The following TRPM6 variants were observed in gnomAD, a reference collection of about 807,000 sequenced individuals.
TRPM6 encodes the protein channel kinase 2.
TRPM6 carries 111 observed loss-of-function variants against 247.6 expected under a neutral mutation model. The observed-to-expected ratio is 0.45, with a 90% CI of 0.38 to 0.52. The LOEUF (loss-of-function observed/expected upper bound fraction) is 0.52. Among genes scored for constraint, TRPM6 ranks in the 20% least tolerant of loss-of-function variants. The pLI, the probability that TRPM6 is intolerant of heterozygous loss-of-function variation, is 0.00. For missense variants in TRPM6, 2,126 were observed against 2,421.5 expected (o/e 0.88, Z 2.56); for synonymous variants, 892 against 853.8 (o/e 1.04, Z -0.78).
At chr9:74,744,195 T>C in intron 31 of TRPM6, 50 bp from the exon 32 acceptor site, 2 of 1,553,522 alleles carry the variant, frequency 1.3e-6, no homozygotes, top group South Asian at 1.1e-5. Flanking sequence ...TGGAGATAAA[T>C]ACATGTTTAT....
Position 74,788,090 on chromosome 9 carries a change from ATT to A in TRPM6, c.2667+522_2667+523del, listed in dbSNP as rs1408791356. Among the ~76,000 whole-genome samples the A allele has an allele frequency of 5.3e-5, 8 of 152,060 alleles. No homozygotes were observed. In the East Asian group the frequency reaches 1.5e-3, roughly 29 times the overall value. ...GTTTTGGTTTTTTGTTTCTTGGACT[ATT>A]TGCCTCAGAGAGATTTCCAGCTTCA... On this transcript the variant is annotated intron_variant, in intron 20 of 38. Transcript: ENST00000360774.
At chr9:74,825,578 C>T (rs534286187) in intron 7 of TRPM6, among the ~76,000 whole-genome samples, 3 of 152,000 alleles carry the variant, frequency 2.0e-5, no homozygotes, top group South Asian at 2.1e-4. Context: ...GAATTGACTC[C>T]ATAGTCAGCA....
chr9:74,847,231 T>TA (rs1460246997), intron 3 of TRPM6, among the ~76,000 whole-genome samples: 16 of 152,174 alleles, frequency 1.1e-4, no homozygotes, highest in African/African-American at 3.6e-4. Flanking sequence ...GATAAGGTCT[T>TA]ACTCTGTCAC....
intron 19 of TRPM6, among the ~76,000 whole-genome samples, chr9:74,789,294 T>TTCAGCAC (rs144470770): frequency 6.6e-6 from 1 of 152,160 alleles, no homozygotes; most frequent in Non-Finnish European, 1.5e-5. Flanking sequence ...TATTTATATC[T>TTCAGCAC]TCAGCACTCA....
chr9:74,859,705 C>T (rs1211492383), intron 1 of TRPM6, among the ~76,000 whole-genome samples: 1 of 149,696 alleles, frequency 6.7e-6, no homozygotes, highest in South Asian at 2.1e-4. Context: ...ACCTGGCAGG[C>T]AGAGATTGCA....
intron 14 of TRPM6, among the ~76,000 whole-genome samples, chr9:74,805,095 A>T (rs1184647260): frequency 6.6e-6 from 1 of 152,254 alleles, no homozygotes; most frequent in Non-Finnish European, 1.5e-5. Flanking sequence ...GACTGAATCA[A>T]GTAATTTTTC....
intron 1 of TRPM6, among the ~76,000 whole-genome samples, chr9:74,881,773 A>G (rs1294675250): frequency 6.6e-6 from 1 of 152,200 alleles, no homozygotes; most frequent in Non-Finnish European, 1.5e-5. Flanking sequence ...GAAATCAATA[A>G]TAAGAGGAAC....
intron 1 of TRPM6, among the ~76,000 whole-genome samples, chr9:74,884,504 T>TACATAC: frequency 6.8e-6 from 1 of 147,998 alleles, no homozygotes; most frequent in East Asian, 2.0e-4. Flanking sequence ...TAAATACATA[T>TACATAC]ATACATACAT....
intron 33 of TRPM6, among the ~76,000 whole-genome samples, chr9:74,742,219 C>CA (rs1295603710): frequency 6.6e-6 from 1 of 152,210 alleles, no homozygotes; most frequent in African/African-American, 2.4e-5. Flanking sequence ...ACCATATTGA[C>CA]ATTTATCGCT....
intron 1 of TRPM6, chr9:74,887,266 A>C: frequency 7.5e-7 from 1 of 1,334,610 alleles, no homozygotes; most frequent in Non-Finnish European, 9.6e-7. Context: ...GGACTCCTGC[A>C]CGGGGAACAC....
At chr9:74,828,930 AGT>A (rs1256679088) in intron 6 of TRPM6, among the ~76,000 whole-genome samples, 2 of 152,208 alleles carry the variant, frequency 1.3e-5, no homozygotes, top group African/African-American at 4.8e-5. Context: ...ATTCAAAAAT[AGT>A]GTCTTTTTAT....
At chr9:74,725,650 T>C (rs929379013) in intron 38 of TRPM6, among the ~76,000 whole-genome samples, 1 of 152,200 alleles carries the variant, frequency 6.6e-6, no homozygotes, top group African/African-American at 2.4e-5. Context: ...AGAGTTTCCC[T>C]ACACAAGCTC....
At chr9:74,837,483 G>A (rs553150033) in intron 5 of TRPM6, among the ~76,000 whole-genome samples, 6 of 151,480 alleles carry the variant, frequency 4.0e-5, no homozygotes, top group East Asian at 1.9e-4. Context: ...AGTCTCGCTC[G>A]TCGCCCAGGC....
intron 17 of TRPM6, 101 bp downstream of exon 17, chr9:74,800,153 G>T: frequency 9.2e-7 from 1 of 1,087,500 alleles, no homozygotes. Flanking sequence ...TATATTAACT[G>T]GTTTTCCTGA....
At chr9:74,786,182 A>C in intron 20 of TRPM6, 57 bp from the exon 21 acceptor site, 1 of 1,588,388 alleles carries the variant, frequency 6.3e-7, no homozygotes, top group Non-Finnish European at 8.6e-7. Flanking sequence ...AATCCCATCA[A>C]TATGATCTTC....
chr9:74,748,049 C>T, intron 30 of TRPM6, 135 bp from the exon 31 acceptor site: 2 of 791,252 alleles, frequency 2.5e-6, no homozygotes, highest in South Asian at 3.0e-5. Flanking sequence ...CATATACAGT[C>T]ATGTACTGCC....
chr9:74,806,293 ATTTATTTATT>A (rs1294488226), intron 14 of TRPM6, among the ~76,000 whole-genome samples: 1 of 151,608 alleles, frequency 6.6e-6, no homozygotes, highest in Non-Finnish European at 1.5e-5. Flanking sequence ...TTATTTATTT[ATTTATTTATT>A]TATTTAGAGA....
intron 30 of TRPM6, among the ~76,000 whole-genome samples, chr9:74,748,845 C>A (rs1161277602): frequency 6.6e-6 from 1 of 152,116 alleles, no homozygotes; most frequent in Non-Finnish European, 1.5e-5. Context: ...TAAGTGTACA[C>A]ATAAAGTCTC....
rs903905935 is a variant in TRPM6 at position 74,738,492 on chromosome 9, G to A, written c.5691C>T (p.Thr1897=). ...CCAACATCAGCTCCTCCAGGGTGTT[G>A]GTGGGGGTGATTTCATCACCATTGT... is the stretch of plus-strand genomic sequence containing the variant. ...NNNNGDEITP[T]NTLEELMLAF... The change falls in exon 36 of 39, where the codon ACC becomes ACT. Residue 1897 remains threonine (T), a synonymous_variant. Transcript: ENST00000360774. The A allele has an allele frequency of 6.2e-7, 1 of 1,614,020 alleles. No individual in the cohort carries two copies. The highest frequency in any genetic ancestry group is 1.3e-5 in the African/African-American group (1 of 74,918).
Sources: allele counts gnomAD v4.1 joint callset (sites outside exome capture counted in the v4.1 genomes callset), GRCh38; gene constraint gnomAD v4.1.1; transcripts MANE v1.5; gene names NCBI Gene and HGNC (gene_info 2026-07-23, HGNC 2026-07-21).